The following PDZRN3 variants were observed in gnomAD, a reference collection of about 807,000 sequenced individuals.
The protein encoded by PDZRN3 is PDZ domain containing ring finger 3.
PDZRN3 carries 38 observed loss-of-function variants against 85.7 expected under a neutral mutation model. The observed-to-expected ratio is 0.44, with a 90% CI of 0.34 to 0.58. The LOEUF is 0.58. Among genes scored for constraint, PDZRN3 ranks in the 20% least tolerant of loss-of-function variants. PDZRN3 has a pLI of 0.01. For missense variants in PDZRN3, 1,629 were observed against 1,506.4 expected, an observed-to-expected ratio of 1.08 and a Z score of -1.35; for synonymous variants, 759 against 638.0, an observed-to-expected ratio of 1.19 and a Z score of -2.86.
chr3:73,478,582 A>C (rs1017066672), intron 3 of PDZRN3, among the ~76,000 whole-genome samples: 6 of 151,710 alleles, frequency 4.0e-5, no homozygotes, highest in Admixed American at 3.3e-4. Context: ...ATGTAGTAAT[A>C]ATAGCATTAC....
chr3:73,430,358 T>C (rs1702406614), intron 3 of PDZRN3, among the ~76,000 whole-genome samples: 1 of 152,210 alleles, frequency 6.6e-6, no homozygotes. Flanking sequence ...TTTAGGACAA[T>C]GTGCTACTCA....
At chr3:73,576,604 A>G (rs1702127077) in intron 3 of PDZRN3, among the ~76,000 whole-genome samples, 1 of 152,246 alleles carries the variant, frequency 6.6e-6, no homozygotes, top group Admixed American at 6.5e-5. Flanking sequence ...TAGGAAATTT[A>G]TCTTTTCAAG....
intron 3 of PDZRN3, among the ~76,000 whole-genome samples, chr3:73,419,651 CT>C (rs1175142129): frequency 6.6e-6 from 1 of 152,180 alleles, no homozygotes; most frequent in East Asian, 1.9e-4. Context: ...GCTCTCTAAG[CT>C]TTTCTTTGAC....
At chr3:73,554,360 A>G (rs1215552293) in intron 3 of PDZRN3, among the ~76,000 whole-genome samples, 1 of 130,056 alleles carries the variant, frequency 7.7e-6, no homozygotes, top group Non-Finnish European at 1.6e-5. Flanking sequence ...GAAGACACAC[A>G]CACACACACA....
At chr3:73,564,994 T>C (rs907489610) in intron 3 of PDZRN3, among the ~76,000 whole-genome samples, 1 of 152,182 alleles carries the variant, frequency 6.6e-6, no homozygotes, top group Admixed American at 6.5e-5. Flanking sequence ...ATCTGCATTA[T>C]CAAAGTTACC....
intron 3 of PDZRN3, among the ~76,000 whole-genome samples, chr3:73,573,824 T>C (rs1559744547): frequency 2.5e-3 from 42 of 16,920 alleles, no homozygotes; most frequent in African/African-American, 9.8e-3. Flanking sequence ...TACATATACA[T>C]ATACATATAC....
intron 3 of PDZRN3, among the ~76,000 whole-genome samples, chr3:73,521,684 TTCTTA>T (rs1400982871): frequency 6.6e-6 from 1 of 151,098 alleles, no homozygotes; most frequent in Non-Finnish European, 1.5e-5. Context: ...GTAATTATTC[TTCTTA>T]TTATTATTAT....
intron 3 of PDZRN3, among the ~76,000 whole-genome samples, chr3:73,467,191 T>C (rs1485547056): frequency 6.6e-6 from 1 of 152,180 alleles, no homozygotes; most frequent in East Asian, 1.9e-4. Flanking sequence ...CCAAGCACCA[T>C]GTACTCGCAG....
At chr3:73,510,794 T>C (rs1175838695) in intron 3 of PDZRN3, among the ~76,000 whole-genome samples, 1 of 152,172 alleles carries the variant, frequency 6.6e-6, no homozygotes, top group Non-Finnish European at 1.5e-5. Context: ...AAAGTTTAAT[T>C]TATAGATCAG....
In PDZRN3 at chr3:73,497,485, A is replaced by T. The variant is rs185572533; in HGVS notation, c.919-93090T>A. Among the ~76,000 whole-genome samples the T allele has an allele frequency of 3.2e-4, 48 of 152,342 alleles. 1 individual carries two copies. The East Asian group carries it at 8.1e-3, about 26-fold the overall frequency. On this transcript the variant is annotated intron_variant, in intron 3 of 9. Coordinates refer to ENST00000263666, the MANE Select transcript of PDZRN3 (RefSeq NM_015009.3). Reference sequence around the variant, plus strand: ...ATTATAAAGCAAATGATTCATTATCACTGCTGATATTAGAGGTGCATCCTG... The same window carrying T: ...ATTATAAAGCAAATGATTCATTATCTCTGCTGATATTAGAGGTGCATCCTG...
intron 3 of PDZRN3, among the ~76,000 whole-genome samples, chr3:73,486,461 C>T (rs528804885): frequency 6.6e-6 from 1 of 152,108 alleles, no homozygotes; most frequent in African/African-American, 2.4e-5. Context: ...CCCCATTAAA[C>T]CAGCCAAAAA....
At chr3:73,433,856 C>T in intron 3 of PDZRN3, 1 of 1,441,094 alleles carries the variant, frequency 6.9e-7, no homozygotes, top group Non-Finnish European at 9.1e-7. Context: ...CTCTCAGAGG[C>T]TAGACAACAA....
At chr3:73,482,908 C>T (rs1460301483) in intron 3 of PDZRN3, among the ~76,000 whole-genome samples, 1 of 152,188 alleles carries the variant, frequency 6.6e-6, no homozygotes, top group Non-Finnish European at 1.5e-5. Flanking sequence ...TGCTCTCTAG[C>T]TTTCATCATT....
Position 73,384,837 on chromosome 3 carries a change from T to C in PDZRN3, c.1729A>G (p.Ser577Gly), listed in dbSNP as rs1477264853. Reference protein sequence around the residue: ...KDSGVGRTDESTRNDESSEQE... With the variant: ...KDSGVGRTDEGTRNDESSEQE... ...TCCGAGCTCTCGTCATTACGGGTGCTCTCGTCGGTCCGCCCCACACCGCTG... is the reference window on the plus strand; with the variant it reads ...TCCGAGCTCTCGTCATTACGGGTGCCCTCGTCGGTCCGCCCCACACCGCTG... The change falls in exon 10 of 10, where the codon AGC becomes GGC. Residue 577 changes from serine (S) to glycine (G), a missense_variant. Transcript: ENST00000263666. 6.2e-7 allele frequency: 1 copy of C among 1,614,060 alleles called. No individual in the cohort carries two copies. Among genetic ancestry groups the C allele is most frequent in the East Asian group, 2.2e-5 (1 of 44,888 alleles).
chr3:73,409,629 A>G (rs1375433717), intron 3 of PDZRN3, among the ~76,000 whole-genome samples: 1 of 152,036 alleles, frequency 6.6e-6, no homozygotes, highest in African/African-American at 2.4e-5. Context: ...ACATCGAGTG[A>G]CTCAGAGACT....
chr3:73,489,481 G>A (rs566323917), intron 3 of PDZRN3, among the ~76,000 whole-genome samples: 1 of 151,978 alleles, frequency 6.6e-6, no homozygotes, highest in African/African-American at 2.4e-5. Flanking sequence ...GTAAGATAGT[G>A]AGAAGTGAGA....
At chr3:73,433,384 A>G in intron 3 of PDZRN3, among the ~76,000 whole-genome samples, 1 of 152,262 alleles carries the variant, frequency 6.6e-6, no homozygotes, top group African/African-American at 2.4e-5. Flanking sequence ...GCCTTGTGAC[A>G]AGACTGCTTG....
chr3:73,484,876 C>T (rs1484716201), intron 3 of PDZRN3, among the ~76,000 whole-genome samples: 11 of 152,120 alleles, frequency 7.2e-5, no homozygotes, highest in Non-Finnish European at 1.5e-5. Flanking sequence ...ATAAAGGAGG[C>T]CTGGGCTTTC....
intron 1 of PDZRN3, among the ~76,000 whole-genome samples, chr3:73,622,555 C>T (rs1040503477): frequency 3.3e-5 from 5 of 152,194 alleles, no homozygotes; most frequent in Admixed American, 6.5e-5. Context: ...TTTGCCCCTC[C>T]AGAGGACACT....
Sources: gnomAD v4.1 joint callset for allele counts (sites outside exome capture counted in the v4.1 genomes callset) on GRCh38, gnomAD v4.1.1 for gene constraint, MANE v1.5 for transcripts, NCBI Gene and HGNC (gene_info 2026-07-23, HGNC 2026-07-21) for gene names.